The following HECW1 variants were observed in gnomAD, a reference collection of about 807,000 sequenced individuals.
The protein encoded by HECW1 is E3 ubiquitin-protein ligase HECW1.
A neutral mutation model predicts 182.3 loss-of-function variants in HECW1; 61 were observed. That is an observed-to-expected ratio of 0.33 (90% CI 0.27 to 0.41). HECW1 has a LOEUF of 0.41. Ranked by LOEUF, HECW1 falls within the 10% of genes least tolerant of loss-of-function variation. The pLI is 1.00. For missense variants in HECW1, 1,739 were observed against 2,108.9 expected, an observed-to-expected ratio of 0.82 and a Z score of 3.44; for synonymous variants, 859 against 832.6, an observed-to-expected ratio of 1.03 and a Z score of -0.55.
intron 17 of HECW1, among the ~76,000 whole-genome samples, chr7:43,486,280 G>A (rs1376495951): frequency 6.6e-6 from 1 of 151,924 alleles, no homozygotes; most frequent in African/African-American, 2.4e-5. Flanking sequence ...ATGGGCATTT[G>A]GGTTGGTTCG....
Position 43,445,213 on chromosome 7 carries a change from T to A in HECW1, c.2041T>A (p.Ser681Thr), listed in dbSNP as rs373899022. 48 of 1,612,990 alleles carry A rather than the reference T, an allele frequency of 3.0e-5. No individual in the cohort carries two copies. Among genetic ancestry groups the A allele is most frequent in the Non-Finnish European group, 4.0e-5 (47 of 1,179,538 alleles). ...EGCDASCCSP[S>T]CYSSSCYSTS... ...CTGTGACGCGTCCTGCTGCAGCCCC[T>A]CGTGCTACAGCTCCTCGTGCTACAG... The change falls in exon 11 of 30, where the codon TCG (serine) becomes ACG (threonine). Residue 681 changes from serine (S) to threonine (T), a missense_variant. Transcript: ENST00000395891.
chr7:43,244,381 G>A (rs982223542), intron 3 of HECW1, among the ~76,000 whole-genome samples: 2 of 152,132 alleles, frequency 1.3e-5, no homozygotes, highest in African/African-American at 4.8e-5. Context: ...TGGCTCATTA[G>A]GATGGGCTCT....
intron 2 of HECW1, among the ~76,000 whole-genome samples, chr7:43,176,239 A>G (rs1792233219): frequency 2.0e-5 from 3 of 152,132 alleles, no homozygotes; most frequent in South Asian, 4.1e-4. Flanking sequence ...GAAACTCTCA[A>G]TGTCTCCTTT....
chr7:43,373,446 C>T (rs1423099413), intron 6 of HECW1, among the ~76,000 whole-genome samples: 61 of 152,068 alleles, frequency 4.0e-4, no homozygotes, highest in Non-Finnish European at 4.4e-5. Context: ...GCATGAGCCA[C>T]CATGCCCGGC....
chr7:43,144,048 C>A (rs566091862), intron 2 of HECW1, among the ~76,000 whole-genome samples: 50 of 152,182 alleles, frequency 3.3e-4, no homozygotes, highest in Non-Finnish European at 6.3e-4. Context: ...GGATCCCATT[C>A]CAGATGCCAA....
chr7:43,172,331 T>C (rs1188725030), intron 2 of HECW1, among the ~76,000 whole-genome samples: 1 of 151,812 alleles, frequency 6.6e-6, no homozygotes, highest in Non-Finnish European at 1.5e-5. Flanking sequence ...ACTACAACTC[T>C]TAGTATTTTC....
chr7:43,486,300 T>C (rs1268676086), intron 17 of HECW1, among the ~76,000 whole-genome samples: 1 of 152,132 alleles, frequency 6.6e-6, no homozygotes, highest in East Asian at 1.9e-4. Context: ...GATTTTTTTT[T>C]TTTTGAGATG....
At chr7:43,503,111 G>C (rs1241650705) in intron 21 of HECW1, among the ~76,000 whole-genome samples, 9 of 152,176 alleles carry the variant, frequency 5.9e-5, no homozygotes, top group Admixed American at 5.9e-4. Context: ...GTATCTCCCT[G>C]TTGTCACTTC....
At chr7:43,499,629 A>G (rs2079259753) in intron 19 of HECW1, among the ~76,000 whole-genome samples, 1 of 152,160 alleles carries the variant, frequency 6.6e-6, no homozygotes, top group East Asian at 1.9e-4. Context: ...AAATTAAACA[A>G]GAAAAGAAAA....
intron 6 of HECW1, 49 bp downstream of exon 6, chr7:43,361,029 T>C (rs772278244): frequency 2.3e-6 from 3 of 1,329,392 alleles, no homozygotes; most frequent in Non-Finnish European, 3.2e-6. Flanking sequence ...TGGTCTTTCT[T>C]CACTTTCCTA....
intron 2 of HECW1, among the ~76,000 whole-genome samples, chr7:43,222,774 G>T (rs1797094666): frequency 6.6e-6 from 1 of 152,132 alleles, no homozygotes. Context: ...TGTTTCCTTT[G>T]CAGGCTCCTC....
At chr7:43,233,866 C>T (rs1798079741) in intron 2 of HECW1, among the ~76,000 whole-genome samples, 1 of 152,122 alleles carries the variant, frequency 6.6e-6, no homozygotes, top group African/African-American at 2.4e-5. Flanking sequence ...ACACAATGGG[C>T]ATAATAGAAG....
chr7:43,221,537 G>GTTTTTTTTTTTTTTTTT, intron 2 of HECW1, among the ~76,000 whole-genome samples: 1 of 50,532 alleles, frequency 2.0e-5, no homozygotes, highest in Non-Finnish European at 3.4e-5. Flanking sequence ...GAGGAATTAG[G>GTTTTTTTTTTTTTTTTT]TTTTTTTTTT....
At chr7:43,242,509 T>C (rs1416870778) in intron 2 of HECW1, among the ~76,000 whole-genome samples, 2 of 152,132 alleles carry the variant, frequency 1.3e-5, no homozygotes, top group African/African-American at 2.4e-5. Context: ...TAAGGGAAGC[T>C]TGGGCATAGG....
intron 2 of HECW1, chr7:43,118,161 A>G (rs1294186448): frequency 6.6e-6 from 1 of 152,290 alleles, no homozygotes; most frequent in Non-Finnish European, 1.5e-5. Context: ...AGTGAAGCAG[A>G]TTTTCCATTT....
At chr7:43,262,997 T>A (rs1038714049) in intron 3 of HECW1, among the ~76,000 whole-genome samples, 1 of 152,214 alleles carries the variant, frequency 6.6e-6, no homozygotes, top group African/African-American at 2.4e-5. Flanking sequence ...TATGTAATAG[T>A]TATATTTAAA....
chr7:43,147,488 C>T (rs1788846355), intron 2 of HECW1: 1 of 152,158 alleles, frequency 6.6e-6, no homozygotes, highest in South Asian at 2.1e-4. Flanking sequence ...GTAAGAGGTA[C>T]TTTTGAAAGC....
At chr7:43,193,775 AC>A (rs1471933281) in intron 2 of HECW1, among the ~76,000 whole-genome samples, 1 of 149,202 alleles carries the variant, frequency 6.7e-6, no homozygotes, top group Non-Finnish European at 1.5e-5. Context: ...CAACTGCCTG[AC>A]CTTTTGCCTG....
At chr7:43,493,413 A>G (rs577893876) in intron 19 of HECW1, among the ~76,000 whole-genome samples, 1 of 152,290 alleles carries the variant, frequency 6.6e-6, no homozygotes, top group South Asian at 2.1e-4. Context: ...TACTGAAATG[A>G]TTTCCATTGA....
Sources: allele counts gnomAD v4.1 joint callset (sites outside exome capture counted in the v4.1 genomes callset), GRCh38; gene constraint gnomAD v4.1.1; transcripts MANE v1.5; gene names NCBI Gene and HGNC (gene_info 2026-07-23, HGNC 2026-07-21).